The following NLRX1 variants were observed in gnomAD, a reference collection of about 807,000 sequenced individuals.
The protein encoded by NLRX1 is NOD-like receptor X1.
In NLRX1, 67 loss-of-function variants were observed where a neutral mutation model predicts 74.2. The observed-to-expected ratio is 0.90, with a 90% CI of 0.74 to 1.11. NLRX1 has a LOEUF of 1.11. NLRX1 is among the 50% of genes least tolerant of loss of function. NLRX1 has a pLI of 0.00. For missense variants in NLRX1, 1,191 were observed against 1,305.4 expected, an observed-to-expected ratio of 0.91 and a Z score of 1.35; for synonymous variants, 506 against 559.1, an observed-to-expected ratio of 0.91 and a Z score of 1.34.
rs1948676269 is a variant in NLRX1 at position 119,175,277 on chromosome 11, A to G, written c.1671+3A>G. 6.2e-7 allele frequency: 1 copy of G among 1,609,780 alleles called. No individual in the cohort carries two copies. The highest frequency in any genetic ancestry group is 1.7e-5 in the Admixed American group (1 of 59,896). Reference sequence around the variant, plus strand: ...CTCTGCTCTTCAACCTGATCAAGGTAACATCCCGATCAAGGTAACCCCCCA... The same window carrying G: ...CTCTGCTCTTCAACCTGATCAAGGTGACATCCCGATCAAGGTAACCCCCCA... On this transcript the variant is annotated splice_donor_region_variant and intron_variant, in intron 6 of 9. Transcript: ENST00000409109.
chr11:119,169,728 G>A (rs1255608841), intron 1 of NLRX1, among the ~76,000 whole-genome samples: 1 of 152,162 alleles, frequency 6.6e-6, no homozygotes, highest in East Asian at 1.9e-4. Context: ...GGTGGCTCGC[G>A]CCTGCAGTCC....
chr11:119,171,201 C>T (rs560209647), intron 1 of NLRX1, among the ~76,000 whole-genome samples, 155 bp from the exon 2 acceptor site: 76 of 152,240 alleles, frequency 5.0e-4, no homozygotes, highest in African/African-American at 1.5e-3. Flanking sequence ...GGGAGAGGGA[C>T]GAGAGCTGAA....
chr11:119,183,003 C>A lies in NLRX1; in HGVS notation c.2607-115C>A. On this transcript the variant is annotated intron_variant, in intron 9 of 9. Coordinates refer to ENST00000409109, the MANE Select transcript of NLRX1 (RefSeq NM_001282144.2). The surrounding 1 kb of genome is among the most constrained non-coding windows in gnomAD (Gnocchi z 5.7). ...CTCTGGCTCATTGCAGTTACCTGATCGCACTCTGCAGCCAGGAGATGAGTT... is the reference window on the plus strand; with the variant it reads ...CTCTGGCTCATTGCAGTTACCTGATAGCACTCTGCAGCCAGGAGATGAGTT... 1 of 895,046 alleles carries A rather than the reference C, an allele frequency of 1.1e-6. No homozygotes were observed. Among genetic ancestry groups the A allele is most frequent in the Admixed American group, 2.4e-5 (1 of 41,180 alleles). The allele number at this position is 895,046 out of a possible 1,614,324, so 55.4% of individuals were successfully genotyped here.
Position 119,175,293 on chromosome 11 carries a change from T to C in NLRX1, c.1671+19T>C. 1 of 1,599,298 alleles carries C rather than the reference T, an allele frequency of 6.3e-7. No homozygotes were observed. On this transcript the variant is annotated intron_variant, in intron 6 of 9. Transcript: ENST00000409109. Reference sequence around the variant, plus strand: ...GATCAAGGTAACATCCCGATCAAGGTAACCCCCCAACCTGCTCCTTCCCTC... The same window carrying C: ...GATCAAGGTAACATCCCGATCAAGGCAACCCCCCAACCTGCTCCTTCCCTC...
Position 119,183,073 on chromosome 11 carries a change from T to C in NLRX1, c.2607-45T>C. 6.4e-7 allele frequency: 1 copy of C among 1,569,910 alleles called. No homozygotes were observed. Among genetic ancestry groups the C allele is most frequent in the Non-Finnish European group, 8.7e-7 (1 of 1,152,254 alleles). On this transcript the variant is annotated intron_variant, in intron 9 of 9. Transcript: ENST00000409109. The surrounding 1 kb of genome is among the most constrained non-coding windows in gnomAD (Gnocchi z 5.7). ...CATCCATCTACCCTCGGGCCCTCCT[T>C]CTCAGAGCTCTACTGAATGGCATCG...
At position 119,169,078 on chromosome 11, in the gene NLRX1, T is replaced by A. The variant is rs1426740561; in HGVS notation, c.-273T>A. 1 of 152,188 alleles carries A rather than the reference T, an allele frequency of 6.6e-6. No homozygotes were observed. Among genetic ancestry groups the A allele is most frequent in the Admixed American group, 6.5e-5 (1 of 15,276 alleles). The allele number at this position is 152,188 out of a possible 1,614,324, so 9.4% of individuals were successfully genotyped here. On this transcript the variant is annotated 5_prime_UTR_variant, in exon 1 of 10. Transcript: ENST00000409109. ...AGCGGGCTTGATAACCCCTGCGCCC[T>A]GGCTGGGAGGCCGCGCTGAGCGGGG...
chr11:119,171,541 A>G (rs1948549253), intron 2 of NLRX1, 68 bp downstream of exon 2: 1 of 1,151,756 alleles, frequency 8.7e-7, no homozygotes, highest in Admixed American at 1.8e-5. Context: ...TGATGCCTCC[A>G]AGACAGCAGG....
chr11:119,171,972 G>T (rs990415498), intron 2 of NLRX1, among the ~76,000 whole-genome samples: 3 of 151,772 alleles, frequency 2.0e-5, no homozygotes, highest in East Asian at 3.9e-4. Context: ...AAAAAAGAGA[G>T]TTGGACTAGA....
At chr11:119,181,470 C>T (rs1948835970) in intron 8 of NLRX1, 1 of 545,468 alleles carries the variant, frequency 1.8e-6, no homozygotes, top group African/African-American at 1.9e-5. Flanking sequence ...AGAAACCTCT[C>T]ACGTGGCTAA....
chr11:119,181,444 C>T, intron 8 of NLRX1, 187 bp downstream of exon 8: 1 of 586,284 alleles, frequency 1.7e-6, no homozygotes, highest in Non-Finnish European at 3.1e-6. Flanking sequence ...AAACATGCCA[C>T]CTGTAATGGG....
Position 119,172,422 on chromosome 11 carries a change from CT to C in NLRX1, c.138del (p.Arg47GlyfsTer11), listed in dbSNP as rs1225826146. 10 of 1,610,534 alleles carry C rather than the reference CT, an allele frequency of 6.2e-6. No individual in the cohort carries two copies. Among genetic ancestry groups the C allele is most frequent in the Non-Finnish European group, 8.5e-6 (10 of 1,176,898 alleles). ...CAAGGGGAGCGTCCCTTTGGGCCCC[CT>C]AGGTGAGGCCTGGGTGTCATACCTT... ...PLQGERPFGPPRAFIRHHGSS... is the reference protein window; with the variant it reads ...PLQGERPFGPXRAFIRHHGSS... On this transcript the variant is annotated frameshift_variant and splice_region_variant, in exon 3 of 10. Transcript: ENST00000409109. LOFTEE classifies it high-confidence loss of function.
At chr11:119,181,013 C>T (rs903777153) in intron 7 of NLRX1, among the ~76,000 whole-genome samples, 158 bp from the exon 8 acceptor site, 3 of 152,126 alleles carry the variant, frequency 2.0e-5, no homozygotes, top group Non-Finnish European at 2.9e-5. Context: ...TGTGCTCCAA[C>T]CTGGGCAACA....
At chr11:119,168,628 A>T (rs1273999468), upstream of NLRX1, 3 of 152,532 alleles carry the variant, frequency 2.0e-5, no homozygotes, top group East Asian at 5.8e-4. Flanking sequence ...CTTCATCTGT[A>T]AAATGGGCCT....
rs137856175 is a variant in NLRX1 at position 119,182,244 on chromosome 11, G to A, written c.2505G>A (p.Arg835=). ...ELLAAQLDRN[R]QLQELNVAYN... ...TGGCTGCCCAGCTGGACCGCAACCG[G>A]CAGCTGCAGGAGCTGAACGTGGCGT... Residue 835 remains arginine (R), a synonymous_variant, in exon 9 of 10, where the codon CGG becomes CGA. Coordinates refer to ENST00000409109, the MANE Select transcript of NLRX1 (RefSeq NM_001282144.2). 6.2e-7 allele frequency: 1 copy of A among 1,613,832 alleles called. No homozygotes were observed. The highest frequency in any genetic ancestry group is 8.5e-7 in the Non-Finnish European group (1 of 1,180,030).
At chr11:119,175,445 G>C (rs1209624293) in intron 6 of NLRX1, among the ~76,000 whole-genome samples, 171 bp downstream of exon 6, 1 of 152,224 alleles carries the variant, frequency 6.6e-6, no homozygotes, top group Non-Finnish European at 1.5e-5. Flanking sequence ...TCAGCTCTGA[G>C]CATTTTGGCT....
chr11:119,181,976 G>A, intron 8 of NLRX1, 118 bp from the exon 9 acceptor site: 1 of 1,282,796 alleles, frequency 7.8e-7, no homozygotes, highest in Non-Finnish European at 1.1e-6. Context: ...GCCCTCTTTG[G>A]CCCAAGTCCT....
chr11:119,175,650 C>T (rs879382457), intron 6 of NLRX1, among the ~76,000 whole-genome samples: 18 of 152,196 alleles, frequency 1.2e-4, no homozygotes, highest in Non-Finnish European at 2.4e-4. Flanking sequence ...TGTGTCTGCT[C>T]CTCCAGAGGT....
At position 119,173,342 on chromosome 11, in the gene NLRX1, G is replaced by C; in HGVS notation, c.230-137G>C. On this transcript the variant is annotated intron_variant, in intron 4 of 9. Coordinates refer to ENST00000409109, the MANE Select transcript of NLRX1 (RefSeq NM_001282144.2). This position sits in a 1 kb window ranked among gnomAD's most constrained non-coding sequence, Gnocchi z 4.0. ...TGGACAGTCTATATTTTCTCAGGGA[G>C]TCTTGTGTGCCCACCATTGTGGGCC... is the stretch of plus-strand genomic sequence containing the variant. 1 of 941,232 alleles carries C rather than the reference G, an allele frequency of 1.1e-6. No individual in the cohort carries two copies. The highest frequency in any genetic ancestry group is 1.6e-5 in the South Asian group (1 of 63,058). 58.3% of individuals were successfully genotyped at this position (941,232 alleles called of 1,614,324 possible). A position where few individuals can be genotyped will look rare whatever the true frequency, so the allele number is the denominator to read the frequency against.
At chr11:119,178,688 A>G (rs919904120) in intron 6 of NLRX1, among the ~76,000 whole-genome samples, 1 of 143,408 alleles carries the variant, frequency 7.0e-6, no homozygotes, top group African/African-American at 2.6e-5. Context: ...AAAGGGCAGC[A>G]CCCTGGAGGC....
Sources: gnomAD v4.1 joint callset for allele counts (sites outside exome capture counted in the v4.1 genomes callset) on GRCh38, gnomAD v4.1.1 for gene constraint, Gnocchi (gnomAD v3.1) non-coding constraint, MANE v1.5 for transcripts, NCBI Gene and HGNC (gene_info 2026-07-23, HGNC 2026-07-21) for gene names.